The following FRAS1 variants were observed in gnomAD, a reference collection of about 807,000 sequenced individuals.
FRAS1 encodes Fraser extracellular matrix complex subunit 1.
A neutral mutation model predicts 435.2 loss-of-function variants in FRAS1; 290 were observed. The observed-to-expected ratio is 0.67, with a 90% CI of 0.61 to 0.73. The LOEUF (loss-of-function observed/expected upper bound fraction) is 0.73, where lower values mean the gene tolerates loss of function less well. FRAS1 is among the 30% of genes least tolerant of loss of function. The pLI is 0.00. For synonymous variants in FRAS1, 1,800 were observed against 1,851.0 expected (o/e 0.97, Z 0.71); for missense variants, 4,860 against 5,001.5 (o/e 0.97, Z 0.85).
chr4:78,407,594 A>T, intron 30 of FRAS1, 69 bp from the exon 31 acceptor site: 1 of 1,281,486 alleles, frequency 7.8e-7, no homozygotes, highest in Non-Finnish European at 1.1e-6. Context: ...AATGAGTAGT[A>T]GGAAAGGAGG....
chr4:78,390,449 T>C (rs1189527403), intron 29 of FRAS1, among the ~76,000 whole-genome samples: 1 of 152,234 alleles, frequency 6.6e-6, no homozygotes, highest in African/African-American at 2.4e-5. Context: ...TATGATTTCA[T>C]CTCAAGTGTG....
chr4:78,115,500 T>C (rs543085657), intron 2 of FRAS1, among the ~76,000 whole-genome samples: 7 of 152,356 alleles, frequency 4.6e-5, no homozygotes, highest in East Asian at 1.9e-4. Context: ...ATTGCCTCAA[T>C]TTCAGAGCCT....
intron 29 of FRAS1, among the ~76,000 whole-genome samples, chr4:78,390,214 G>A (rs990957223): frequency 6.6e-6 from 1 of 152,150 alleles, no homozygotes; most frequent in African/African-American, 2.4e-5. Context: ...TAGAGTAGAG[G>A]CTATGGGACC....
Position 78,464,322 on chromosome 4 carries a change from GC to G in FRAS1, c.6889-120del, listed in dbSNP as rs1029309908. 50 of 1,437,736 alleles carry G rather than the reference GC, an allele frequency of 3.5e-5. No individual in the cohort carries two copies. The African/African-American group carries it at 6.5e-4, about 19-fold the overall frequency. 89.1% of individuals were successfully genotyped at this position (1,437,736 alleles called of 1,614,324 possible). A position where few individuals can be genotyped will look rare whatever the true frequency, so the allele number is the denominator to read the frequency against. On this transcript the variant is annotated intron_variant, in intron 48 of 73. Transcript: ENST00000512123. The stretch of plus-strand genomic sequence containing the variant: ...CTTGCCCAAGAGGACTCACTCTGGG[GC>G]TCCTAATTATTGACTTGTGCAAGCA...
intron 2 of FRAS1, among the ~76,000 whole-genome samples, chr4:78,067,657 T>C (rs1439229156): frequency 2.6e-5 from 2 of 76,088 alleles, no homozygotes; most frequent in African/African-American, 6.2e-5. Context: ...TTTCTTTTTC[T>C]TTTTTTTTCT....
chr4:78,097,040 A>G (rs1392255214), intron 2 of FRAS1, among the ~76,000 whole-genome samples: 1 of 152,164 alleles, frequency 6.6e-6, no homozygotes, highest in Non-Finnish European at 1.5e-5. Context: ...CACATCTTTA[A>G]TGCTTTGCTG....
rs1253600018 is a variant in FRAS1, at chr4:78,298,030, C to CTCTCTA, written c.1535-10035_1535-10034insCTCTAT. ...TCTCTCTCTCTCTCTCTCTCTCTCT[C>CTCTCTA]TATATATATATATATATATATATTA... On this transcript the variant is annotated intron_variant, in intron 14 of 73. Transcript: ENST00000512123. Among the ~76,000 whole-genome samples, 788 of 104,012 alleles carry CTCTCTA rather than the reference C, an allele frequency of 7.6e-3. 7 individuals carry two copies. Among genetic ancestry groups the CTCTCTA allele is most frequent in the African/African-American group, 0.014 (426 of 29,988 alleles). 68.2% of individuals were successfully genotyped at this position (104,012 alleles called of 152,430 possible).
In FRAS1 at chr4:78,464,143, G is replaced by A; in HGVS notation, c.6886G>A (p.Glu2296Lys). The change falls in exon 48 of 74, where the codon GAG (glutamate) becomes AAG (lysine). Residue 2296 changes from glutamate (E) to lysine (K), a missense_variant and splice_region_variant. Coordinates refer to ENST00000512123, the MANE Select transcript of FRAS1 (RefSeq NM_025074.7). ...CTTTACACTGTCTGATGGAGTCAGT[G>A]AGGTAGGTGAGGCACTGAACTCCAT... Reference protein sequence around the residue: ...FSFTLSDGVSEVTQTFHITLH... With the variant: ...FSFTLSDGVSKVTQTFHITLH... The A allele has an allele frequency of 6.2e-7, 1 of 1,607,486 alleles. No homozygotes were observed. Among genetic ancestry groups the A allele is most frequent in the Non-Finnish European group, 8.5e-7 (1 of 1,177,778 alleles).
At chr4:78,340,915 C>G (rs1213157739) in intron 20 of FRAS1, among the ~76,000 whole-genome samples, 1 of 152,120 alleles carries the variant, frequency 6.6e-6, no homozygotes, top group African/African-American at 2.4e-5. Flanking sequence ...ACTTAATTAC[C>G]TCTTTAAAGG....
At chr4:78,337,945 T>C in intron 20 of FRAS1, 128 bp downstream of exon 20, 1 of 834,806 alleles carries the variant, frequency 1.2e-6, no homozygotes. Context: ...GTTTCATGTC[T>C]GGAAACTCAT....
chr4:78,496,117 T>C (rs1016113801), intron 59 of FRAS1, among the ~76,000 whole-genome samples: 6 of 152,212 alleles, frequency 3.9e-5, no homozygotes, highest in Non-Finnish European at 7.3e-5. Flanking sequence ...TTGAGGCTGC[T>C]GTGTTATCTG....
intron 14 of FRAS1, among the ~76,000 whole-genome samples, chr4:78,305,637 G>T (rs1438381859): frequency 1.3e-4 from 19 of 142,000 alleles, no homozygotes; most frequent in African/African-American, 4.7e-4. Context: ...TGTCTCTTTT[G>T]ATGTTTGTTG....
At chr4:78,306,026 C>T (rs1005157948) in intron 14 of FRAS1, among the ~76,000 whole-genome samples, 6 of 151,962 alleles carry the variant, frequency 3.9e-5, no homozygotes, top group Non-Finnish European at 8.8e-5. Flanking sequence ...ATGTTTAGCG[C>T]TTCCTTCAGG....
At chr4:78,070,581 AG>A (rs1037199597) in intron 2 of FRAS1, 1 of 152,192 alleles carries the variant, frequency 6.6e-6, no homozygotes, top group African/African-American at 2.4e-5. Flanking sequence ...CTTTCTCTAA[AG>A]TCAGCCCTTG....
chr4:78,306,431 T>G (rs990379623), intron 14 of FRAS1, among the ~76,000 whole-genome samples: 1 of 123,064 alleles, frequency 8.1e-6, no homozygotes, highest in African/African-American at 2.9e-5. Context: ...TTGGGGAAGT[T>G]CTCCTGGATA....
chr4:78,330,815 C>T (rs1476876176), intron 18 of FRAS1, among the ~76,000 whole-genome samples: 1 of 152,232 alleles, frequency 6.6e-6, no homozygotes, highest in African/African-American at 2.4e-5. Context: ...TCGCCTCGGT[C>T]CTGTGGTCCT....
At chr4:78,307,829 G>T (rs529572228) in intron 14 of FRAS1, among the ~76,000 whole-genome samples, 1 of 152,196 alleles carries the variant, frequency 6.6e-6, no homozygotes, top group Non-Finnish European at 1.5e-5. Context: ...CGTTGCTCAC[G>T]TTGGGAGCTG....
At chr4:78,140,782 T>A (rs1720145858) in intron 2 of FRAS1, among the ~76,000 whole-genome samples, 1 of 150,616 alleles carries the variant, frequency 6.6e-6, no homozygotes, top group Non-Finnish European at 1.5e-5. Flanking sequence ...TGTGTGTATA[T>A]ATATCTCATG....
intron 20 of FRAS1, among the ~76,000 whole-genome samples, chr4:78,341,617 T>C (rs1221628184): frequency 6.6e-6 from 1 of 152,198 alleles, no homozygotes; most frequent in Non-Finnish European, 1.5e-5. Flanking sequence ...GGCAATTTCA[T>C]ATGATTTAAC....
Sources: allele counts gnomAD v4.1 joint callset (sites outside exome capture counted in the v4.1 genomes callset), GRCh38; gene constraint gnomAD v4.1.1; transcripts MANE v1.5; gene names NCBI Gene and HGNC (gene_info 2026-07-23, HGNC 2026-07-21).